PPP2R2B: variants seen among roughly 807,000 people sequenced by gnomAD.
PPP2R2B encodes protein phosphatase 2 regulatory subunit Bbeta.
Under a neutral mutation model 46.0 loss-of-function variants are expected in PPP2R2B, and 5 were observed. That is an observed-to-expected ratio of 0.11 (90% CI 0.06 to 0.23). The LOEUF is 0.23. Ranked by LOEUF, PPP2R2B falls within the 10% of genes least tolerant of loss-of-function variation. The pLI is 1.00. For missense variants in PPP2R2B, 367 were observed against 575.0 expected, an observed-to-expected ratio of 0.64 and a Z score of 3.70; for synonymous variants, 215 against 206.7, an observed-to-expected ratio of 1.04 and a Z score of -0.34.
At chr5:146,680,193 C>T (rs1200188799) in intron 5 of PPP2R2B, among the ~76,000 whole-genome samples, 1 of 148,380 alleles carries the variant, frequency 6.7e-6, no homozygotes, top group Non-Finnish European at 1.5e-5. Context: ...GGCACATATA[C>T]ACCATGGAAT....
chr5:146,707,549 C>G, intron 2 of PPP2R2B: 1 of 720,796 alleles, frequency 1.4e-6, no homozygotes. Context: ...GCAGAAGGCC[C>G]GGGTGCCAGA....
chr5:146,693,510 C>T lies in PPP2R2B; in HGVS notation c.335-2270G>A, dbSNP rs577892640. ...GATTACAGGCATGAGCCACCACACCCGACCACAACTAGTATTTCTTAAGCA... is the reference window on the plus strand; with the variant it reads ...GATTACAGGCATGAGCCACCACACCTGACCACAACTAGTATTTCTTAAGCA... On this transcript the variant is annotated intron_variant, in intron 4 of 9. Transcript: ENST00000394411. Among the ~76,000 whole-genome samples, 50 of 152,250 alleles carry T rather than the reference C, an allele frequency of 3.3e-4. 1 individual carries two copies. The highest frequency in any genetic ancestry group is 1.1e-3 in the African/African-American group (46 of 41,552).
At chr5:146,629,657 C>G (rs10059468) in intron 7 of PPP2R2B, among the ~76,000 whole-genome samples, 2 of 152,132 alleles carry the variant, frequency 1.3e-5, no homozygotes, top group Non-Finnish European at 1.5e-5. Context: ...CCATAAAGCT[C>G]TCAATGATCT....
chr5:146,952,538 A>G (rs1287399752), intron 1 of PPP2R2B, among the ~76,000 whole-genome samples: 1 of 152,118 alleles, frequency 6.6e-6, no homozygotes, highest in Non-Finnish European at 1.5e-5. Flanking sequence ...GGGACAGTCA[A>G]TTGGATACAT....
At chr5:146,636,098 C>T (rs1244121358) in intron 7 of PPP2R2B, among the ~76,000 whole-genome samples, 1 of 152,212 alleles carries the variant, frequency 6.6e-6, no homozygotes, top group African/African-American at 2.4e-5. Context: ...AACCTTCTAA[C>T]TTTCCTACCT....
chr5:146,598,801 G>T (rs994914616), intron 8 of PPP2R2B, among the ~76,000 whole-genome samples: 1 of 152,116 alleles, frequency 6.6e-6, no homozygotes, highest in African/African-American at 2.4e-5. Flanking sequence ...TTGCCAGAAT[G>T]TTATAACTAT....
upstream of PPP2R2B, among the ~76,000 whole-genome samples, chr5:147,059,152 G>A (rs867173489): frequency 3.3e-5 from 5 of 152,174 alleles, no homozygotes; most frequent in South Asian, 6.2e-4. Context: ...TACCACCCCT[G>A]CTCTAAAGAA....
At chr5:146,920,857 T>C (rs1302122168) in intron 1 of PPP2R2B, among the ~76,000 whole-genome samples, 1 of 152,238 alleles carries the variant, frequency 6.6e-6, no homozygotes, top group Non-Finnish European at 1.5e-5. Context: ...AGAATTCTGT[T>C]AGAAAATCAT....
At chr5:146,812,898 G>A (rs1757713680) in intron 2 of PPP2R2B, among the ~76,000 whole-genome samples, 1 of 136,866 alleles carries the variant, frequency 7.3e-6, no homozygotes, top group Non-Finnish European at 1.5e-5. Context: ...AACAGTATGG[G>A]GAAAACCACC....
intron 2 of PPP2R2B, among the ~76,000 whole-genome samples, chr5:146,758,862 C>T (rs1582036584): frequency 6.6e-6 from 1 of 152,228 alleles, no homozygotes; most frequent in East Asian, 1.9e-4. Context: ...AGCACAGGCC[C>T]TAATCCTGTC....
intron 1 of PPP2R2B, among the ~76,000 whole-genome samples, chr5:146,978,001 A>G (rs1385459551): frequency 6.6e-6 from 1 of 152,182 alleles, no homozygotes; most frequent in Non-Finnish European, 1.5e-5. Flanking sequence ...AACAGTGTAA[A>G]AGCATTCCTA....
intron 2 of PPP2R2B, among the ~76,000 whole-genome samples, chr5:146,818,534 C>A (rs1172055432): frequency 6.6e-6 from 1 of 152,138 alleles, no homozygotes; most frequent in Non-Finnish European, 1.5e-5. Context: ...GAAGAAACAT[C>A]ACCAACATTC....
At chr5:146,658,212 T>C (rs891513532) in intron 5 of PPP2R2B, among the ~76,000 whole-genome samples, 3 of 152,170 alleles carry the variant, frequency 2.0e-5, no homozygotes, top group African/African-American at 7.2e-5. Context: ...ACCCTGGTGC[T>C]CTGGGACCAC....
chr5:146,910,187 G>A (rs1561511864), intron 1 of PPP2R2B, among the ~76,000 whole-genome samples: 1 of 152,146 alleles, frequency 6.6e-6, no homozygotes, highest in Non-Finnish European at 1.5e-5. Flanking sequence ...TTCATTGCAA[G>A]TAATTTCATT....
At chr5:147,074,244 T>G (rs1439549918) in intron 2 of PPP2R2B, among the ~76,000 whole-genome samples, 1 of 152,110 alleles carries the variant, frequency 6.6e-6, no homozygotes, top group Middle Eastern at 3.2e-3. Context: ...GAACCAAGTT[T>G]AAAGTGAGAG....
intron 7 of PPP2R2B, chr5:146,607,668 T>C (rs1772421696): frequency 6.6e-6 from 1 of 152,202 alleles, no homozygotes; most frequent in Non-Finnish European, 1.5e-5. Flanking sequence ...TAAGAAATAA[T>C]GAATCAAAAC....
chr5:146,874,667 G>A (rs1450751217), intron 2 of PPP2R2B, among the ~76,000 whole-genome samples: 1 of 152,140 alleles, frequency 6.6e-6, no homozygotes, highest in Non-Finnish European at 1.5e-5. Flanking sequence ...GGCCCCATTT[G>A]AAAGTAGGAA....
At chr5:146,686,319 T>C (rs921069191) in intron 5 of PPP2R2B, among the ~76,000 whole-genome samples, 1 of 152,056 alleles carries the variant, frequency 6.6e-6, no homozygotes, top group African/African-American at 2.4e-5. Flanking sequence ...TGACAAGAGC[T>C]AAGCAAAAAA....
rs144806484 is a variant in PPP2R2B, at chr5:146,930,117, A to G, written c.79+125548T>C. Among the ~76,000 whole-genome samples the G allele has an allele frequency of 3.9e-3, 587 of 152,332 alleles. 1 individual carries two copies. The highest frequency in any genetic ancestry group is 0.013 in the African/African-American group (560 of 41,574). On this transcript the variant is annotated intron_variant, in intron 1 of 8. Coordinates refer to the PPP2R2B transcript ENST00000336640. Reference sequence around the variant, plus strand: ...AGTGGCACTATTATGAAGAAAATAAATCAGGGTTATGTGATAGAAAGAGTG... The same window carrying G: ...AGTGGCACTATTATGAAGAAAATAAGTCAGGGTTATGTGATAGAAAGAGTG...
Sources: gnomAD v4.1 joint callset for allele counts (sites outside exome capture counted in the v4.1 genomes callset) on GRCh38, gnomAD v4.1.1 for gene constraint, MANE v1.5 for transcripts, NCBI Gene and HGNC (gene_info 2026-07-23, HGNC 2026-07-21) for gene names.